ERBB4: variants seen among roughly 807,000 people sequenced by gnomAD.
ERBB4 encodes the protein erb-b2 receptor tyrosine kinase 4.
ERBB4 carries 42 observed loss-of-function variants against 158.0 expected under a neutral mutation model. The ratio of observed to expected loss-of-function variants is 0.27; its 90% CI spans 0.21 to 0.34. ERBB4 has a LOEUF of 0.34. Among genes scored for constraint, ERBB4 ranks in the 10% least tolerant of loss-of-function variants. The probability of loss-of-function intolerance (pLI) is 1.00; values close to 1 mark genes in which losing one functional copy is unlikely to be tolerated. For missense variants in ERBB4, 1,333 were observed against 1,624.1 expected (o/e 0.82, Z 3.08); for synonymous variants, 583 against 558.7 (o/e 1.04, Z -0.61).
chr2:211,388,033 G>A, intron 25 of ERBB4, 41 bp from the exon 26 acceptor site: 1 of 1,379,136 alleles, frequency 7.3e-7, no homozygotes, highest in Non-Finnish European at 1.0e-6. Flanking sequence ...ATAATAAGAG[G>A]CAATATGAAT....
intron 7 of ERBB4, among the ~76,000 whole-genome samples, chr2:211,716,533 G>A (rs2073914196): frequency 6.7e-6 from 1 of 149,768 alleles, no homozygotes; most frequent in Non-Finnish European, 1.5e-5. Context: ...AAAATTAGCC[G>A]GGCCTGGTGG....
chr2:211,938,398 C>T (rs560029970), intron 3 of ERBB4, among the ~76,000 whole-genome samples: 2 of 152,094 alleles, frequency 1.3e-5, no homozygotes, highest in African/African-American at 2.4e-5. Context: ...TAAGTCCTTG[C>T]CTGCTGGATT....
intron 4 of ERBB4, among the ~76,000 whole-genome samples, chr2:211,772,910 C>T (rs1371412668): frequency 5.0e-4 from 13 of 26,164 alleles, no homozygotes; most frequent in East Asian, 1.2e-3. Context: ...TATATATATA[C>T]ACACACACAC....
At chr2:212,129,447 A>T (rs2080041432) in intron 1 of ERBB4, among the ~76,000 whole-genome samples, 1 of 151,352 alleles carries the variant, frequency 6.6e-6, no homozygotes, top group South Asian at 2.1e-4. Context: ...TTATACAATA[A>T]TATTCAAATC....
chr2:212,099,697 A>G (rs1575630499), intron 2 of ERBB4, among the ~76,000 whole-genome samples: 1 of 149,134 alleles, frequency 6.7e-6, no homozygotes, highest in South Asian at 2.1e-4. Flanking sequence ...TTAGAATTCT[A>G]CCATTTCAGA....
At chr2:211,420,034 A>T (rs953226639) in intron 25 of ERBB4, among the ~76,000 whole-genome samples, 1 of 152,100 alleles carries the variant, frequency 6.6e-6, no homozygotes, top group African/African-American at 2.4e-5. Flanking sequence ...AGAGATTTAT[A>T]CTTGTATTAC....
intron 1 of ERBB4, among the ~76,000 whole-genome samples, chr2:212,177,151 A>G (rs1289021299): frequency 6.6e-6 from 1 of 151,862 alleles, no homozygotes; most frequent in Non-Finnish European, 1.5e-5. Flanking sequence ...CAGTCTATTT[A>G]CAACTACCAC....
chr2:212,071,169 T>G (rs2078105568), intron 2 of ERBB4, among the ~76,000 whole-genome samples: 1 of 151,980 alleles, frequency 6.6e-6, no homozygotes, highest in African/African-American at 2.4e-5. Flanking sequence ...TTGACTATCA[T>G]GTTGACCATC....
chr2:211,726,925 G>T (rs1365728535), intron 5 of ERBB4, among the ~76,000 whole-genome samples: 2 of 152,146 alleles, frequency 1.3e-5, no homozygotes, highest in African/African-American at 4.8e-5. Flanking sequence ...CGTCCAGCCA[G>T]ATAGAAACAC....
At chr2:212,534,299 T>C (rs1233886099) in intron 1 of ERBB4, among the ~76,000 whole-genome samples, 1 of 152,178 alleles carries the variant, frequency 6.6e-6, no homozygotes, top group Non-Finnish European at 1.5e-5. Flanking sequence ...CAAGAGTACT[T>C]AGAAAGAGCA....
chr2:211,580,547 G>C lies in ERBB4; in HGVS notation c.2302-18459C>G, dbSNP rs200234088. Among the ~76,000 whole-genome samples, 437 of 151,718 alleles carry C rather than the reference G, an allele frequency of 2.9e-3. 1 individual carries two copies. Among genetic ancestry groups the C allele is most frequent in the Middle Eastern group, 0.01 (3 of 294 alleles). ...GAACAGGGAACACTTCTACACTGCT[G>C]GTGGGAATGTAAACTAGTACAACCA... On this transcript the variant is annotated intron_variant, in intron 19 of 27. Transcript: ENST00000342788.
At chr2:212,352,336 A>AC (rs961275360) in intron 1 of ERBB4, among the ~76,000 whole-genome samples, 4 of 151,922 alleles carry the variant, frequency 2.6e-5, no homozygotes, top group African/African-American at 7.3e-5. Flanking sequence ...AAAAAAAAAA[A>AC]AACACTTTAT....
chr2:211,711,410 T>G (rs2073697000), intron 9 of ERBB4, among the ~76,000 whole-genome samples: 1 of 152,140 alleles, frequency 6.6e-6, no homozygotes, highest in Non-Finnish European at 1.5e-5. Flanking sequence ...ATACTGACAT[T>G]CAAAGAATAC....
At chr2:211,950,907 T>C (rs182929145) in intron 2 of ERBB4, among the ~76,000 whole-genome samples, 37 of 152,310 alleles carry the variant, frequency 2.4e-4, no homozygotes, top group Admixed American at 5.9e-4. Context: ...ATGGTTGAGC[T>C]GTTACCTCTT....
At chr2:212,094,485 C>G (rs1248617259) in intron 2 of ERBB4, among the ~76,000 whole-genome samples, 2 of 150,866 alleles carry the variant, frequency 1.3e-5, no homozygotes, top group East Asian at 1.9e-4. Context: ...CAGGATTGTA[C>G]AAAGTTTAGA....
intron 20 of ERBB4, among the ~76,000 whole-genome samples, chr2:211,530,842 T>C (rs2066479679): frequency 6.6e-6 from 1 of 152,112 alleles, no homozygotes; most frequent in Non-Finnish European, 1.5e-5. Context: ...TGAGCCACGA[T>C]CATGCCACTG....
intron 1 of ERBB4, among the ~76,000 whole-genome samples, chr2:212,257,024 G>A (rs1263029474): frequency 6.6e-6 from 1 of 152,094 alleles, no homozygotes; most frequent in Non-Finnish European, 1.5e-5. Context: ...CACCCAGGTA[G>A]TAAGCATAGT....
chr2:211,393,581 A>T (rs1042134238), intron 25 of ERBB4, among the ~76,000 whole-genome samples: 1 of 152,202 alleles, frequency 6.6e-6, no homozygotes, highest in Non-Finnish European at 1.5e-5. Context: ...TTTAGTGAAA[A>T]GAACTTAATG....
Position 212,332,323 on chromosome 2 carries a change from C to A in ERBB4, c.82+206126G>T, listed in dbSNP as rs1195816140. Among the ~76,000 whole-genome samples, 3 of 152,034 alleles carry A rather than the reference C, an allele frequency of 2.0e-5. No homozygotes were observed. The South Asian group carries it at 6.2e-4, about 32-fold the overall frequency. ...TTTGCCTTCTGCCATGGTTGTGAGG[C>A]CTCCCTAGCCATGTGGAACTGTAAG... On this transcript the variant is annotated intron_variant, in intron 1 of 27. Transcript: ENST00000342788.
Sources: gnomAD v4.1 joint callset for allele counts (sites outside exome capture counted in the v4.1 genomes callset) on GRCh38, gnomAD v4.1.1 for gene constraint, MANE v1.5 for transcripts, NCBI Gene and HGNC (gene_info 2026-07-23, HGNC 2026-07-21) for gene names.